Variants in DCAF10 observed in about 807,000 individuals in gnomAD.
DCAF10 encodes DDB1- and CUL4-associated factor 10.
A neutral mutation model predicts 51.9 loss-of-function variants in DCAF10; 19 were observed. That is an observed-to-expected ratio of 0.37 (90% CI 0.26 to 0.54). The LOEUF (loss-of-function observed/expected upper bound fraction) is 0.54. DCAF10 is among the 20% of genes least tolerant of loss of function. The pLI, the probability that DCAF10 is intolerant of heterozygous loss-of-function variation, is 0.87. For synonymous variants in DCAF10, 291 were observed against 297.1 expected (o/e 0.98, Z 0.21); for missense variants, 510 against 730.6 (o/e 0.70, Z 3.48).
chr9:37,865,971 T>G lies in DCAF10; in HGVS notation c.*4463T>G, dbSNP rs1163765337. The G allele has an allele frequency of 6.6e-6, 1 of 152,650 alleles. No individual in the cohort carries two copies. The allele number at this position is 152,650 out of a possible 1,614,324, so 9.5% of individuals were successfully genotyped here. Reference sequence around the variant, plus strand: ...AAGAATCTTTTAAAAGCCTAGTGTTTCCCTTATTTGTCAGAATATGTGGTA... The same window carrying G: ...AAGAATCTTTTAAAAGCCTAGTGTTGCCCTTATTTGTCAGAATATGTGGTA... On this transcript the variant is annotated 3_prime_UTR_variant, in exon 7 of 7. Transcript: ENST00000377724.
rs1554685707 is a variant in DCAF10 at position 37,816,659 on chromosome 9, G to GGTGTGTGTGTGTGTGT, written c.540-2612_540-2597dup. ...AATCTCAATTAACATCTGCACCTGG[G>GGTGTGTGTGTGTGTGT]GTGTGTGTGTGTGTGTGTGTGTGTG... is the stretch of plus-strand genomic sequence containing the variant. On this transcript the variant is annotated intron_variant, in intron 1 of 6. Transcript: ENST00000377724. Among the ~76,000 whole-genome samples the GGTGTGTGTGTGTGTGT allele has an allele frequency of 1.0e-3, 152 of 144,932 alleles. 1 individual carries two copies. In the Middle Eastern group the frequency reaches 0.011, roughly 11 times the overall value.
In DCAF10 at chr9:37,865,119, T is replaced by C. The variant is rs555981926; in HGVS notation, c.*3611T>C. On this transcript the variant is annotated 3_prime_UTR_variant, in exon 7 of 7. Coordinates refer to ENST00000377724, the MANE Select transcript of DCAF10 (RefSeq NM_024345.5). The stretch of plus-strand genomic sequence containing the variant: ...TAGAGCTAGCTTACCGTGTGTATCA[T>C]GTAAAAAAAATTCATAAGATTAACA... The C allele has an allele frequency of 6.6e-6, 1 of 152,044 alleles. No homozygotes were observed. Among genetic ancestry groups the C allele is most frequent in the African/African-American group, 2.4e-5 (1 of 41,474 alleles). 9.4% of individuals were successfully genotyped at this position (152,044 alleles called of 1,614,324 possible).
At chr9:37,850,484 A>C (rs1830601332) in intron 3 of DCAF10, among the ~76,000 whole-genome samples, 1 of 152,152 alleles carries the variant, frequency 6.6e-6, no homozygotes, top group African/African-American at 2.4e-5. Context: ...CGACAATACG[A>C]ATGAGCCTGG....
At chr9:37,857,386 A>T in intron 5 of DCAF10, 35 bp downstream of exon 5, 1 of 1,457,116 alleles carries the variant, frequency 6.9e-7, no homozygotes, top group Non-Finnish European at 9.5e-7. Context: ...ATCTTGTAAC[A>T]ACAGATTATG....
chr9:37,850,856 AT>A (rs1830622952), intron 3 of DCAF10, among the ~76,000 whole-genome samples: 2 of 110,046 alleles, frequency 1.8e-5, no homozygotes, highest in African/African-American at 4.0e-5. Context: ...ATATATATAT[AT>A]ATATATATAT....
At chr9:37,815,847 G>T (rs1219018245) in intron 1 of DCAF10, among the ~76,000 whole-genome samples, 3 of 152,112 alleles carry the variant, frequency 2.0e-5, no homozygotes, top group Non-Finnish European at 2.9e-5. Flanking sequence ...AGGCTGGAGT[G>T]CAGTGGCATG....
intron 2 of DCAF10, among the ~76,000 whole-genome samples, chr9:37,822,873 C>G (rs1829747920): frequency 6.6e-6 from 1 of 152,124 alleles, no homozygotes; most frequent in East Asian, 1.9e-4. Flanking sequence ...GAGGCTGAGG[C>G]AGGAGGATCA....
At chr9:37,824,927 C>T (rs1047933454) in intron 2 of DCAF10, among the ~76,000 whole-genome samples, 1 of 152,020 alleles carries the variant, frequency 6.6e-6, no homozygotes, top group Admixed American at 6.5e-5. Flanking sequence ...CCTTAAAATA[C>T]ACAAAGCAAA....
intron 2 of DCAF10, among the ~76,000 whole-genome samples, chr9:37,831,840 T>C (rs1830015864): frequency 6.6e-6 from 1 of 152,124 alleles, no homozygotes; most frequent in Admixed American, 6.6e-5. Context: ...TCCCAGCTAC[T>C]CGGGAGGCTG....
At chr9:37,809,171 A>G (rs1275357472) in intron 1 of DCAF10, among the ~76,000 whole-genome samples, 1 of 151,990 alleles carries the variant, frequency 6.6e-6, no homozygotes, top group Non-Finnish European at 1.5e-5. Flanking sequence ...TCAAAGGGGA[A>G]ATTATAATGG....
intron 1 of DCAF10, among the ~76,000 whole-genome samples, chr9:37,809,480 CTT>C (rs1227030187): frequency 6.6e-6 from 1 of 151,194 alleles, no homozygotes; most frequent in Middle Eastern, 3.2e-3. Flanking sequence ...TTTGAAAACA[CTT>C]ATAAAAATGA....
chr9:37,801,286 G>A lies in DCAF10; in HGVS notation c.420G>A (p.Pro140=), dbSNP rs1285967535. The A allele has an allele frequency of 1.9e-6, 3 of 1,596,472 alleles. No homozygotes were observed. The highest frequency in any genetic ancestry group is 1.7e-5 in the Admixed American group (1 of 58,742). The change falls in exon 1 of 7, where the codon CCG becomes CCA. Residue 140 remains proline (P), a synonymous_variant. Transcript: ENST00000377724. This position sits in a 1 kb window ranked among gnomAD's most constrained non-coding sequence, Gnocchi z 5.5. ...TGGGCCGCGGGCTGTTCGTGGACCC[G>A]GCGCGGGACAATTTTCGCACCATGA... ...RSLGRGLFVD[P]ARDNFRTMTS...
intron 2 of DCAF10, among the ~76,000 whole-genome samples, chr9:37,822,576 T>C (rs539625426): frequency 1.4e-4 from 22 of 152,030 alleles, no homozygotes; most frequent in Middle Eastern, 3.4e-3. Context: ...CCCACTGATA[T>C]GTGGGACCTA....
chr9:37,837,632 C>A (rs1830209085), intron 2 of DCAF10, among the ~76,000 whole-genome samples: 1 of 152,036 alleles, frequency 6.6e-6, no homozygotes. Context: ...AGAGGCAAGA[C>A]TACAATGGGC....
chr9:37,841,370 T>C (rs1158208123), intron 2 of DCAF10, among the ~76,000 whole-genome samples: 1 of 152,224 alleles, frequency 6.6e-6, no homozygotes, highest in African/African-American at 2.4e-5. Context: ...AGCATCCTAA[T>C]GTTAAATTAA....
chr9:37,836,737 T>C (rs1423389348), intron 2 of DCAF10, among the ~76,000 whole-genome samples: 1 of 152,178 alleles, frequency 6.6e-6, no homozygotes, highest in African/African-American at 2.4e-5. Context: ...AGTTGATGCA[T>C]CTGAAAATAA....
chr9:37,854,023 G>T (rs1830772188), intron 3 of DCAF10, among the ~76,000 whole-genome samples: 1 of 151,748 alleles, frequency 6.6e-6, no homozygotes, highest in African/African-American at 2.4e-5. Flanking sequence ...AAAACAACAT[G>T]TATTATTTTA....
intron 3 of DCAF10, among the ~76,000 whole-genome samples, chr9:37,846,062 T>TA (rs1199814142): frequency 4.0e-5 from 6 of 150,388 alleles, no homozygotes; most frequent in East Asian, 1.9e-4. Context: ...AAGATAATAT[T>TA]AAAAAAAAAG....
At chr9:37,826,683 A>C (rs1829860532) in intron 2 of DCAF10, among the ~76,000 whole-genome samples, 1 of 152,206 alleles carries the variant, frequency 6.6e-6, no homozygotes, top group Non-Finnish European at 1.5e-5. Flanking sequence ...ATGGGAACCC[A>C]GATTAGATAA....
Sources: allele counts gnomAD v4.1 joint callset (sites outside exome capture counted in the v4.1 genomes callset), GRCh38; gene constraint gnomAD v4.1.1; non-coding constraint Gnocchi (gnomAD v3.1); transcripts MANE v1.5; gene names NCBI Gene and HGNC (gene_info 2026-07-23, HGNC 2026-07-21).